CUX2: variants seen among roughly 807,000 people sequenced by gnomAD.
The protein encoded by CUX2 is homeobox protein cut-like 2.
CUX2 carries 40 observed loss-of-function variants against 144.8 expected under a neutral mutation model. That is an observed-to-expected ratio of 0.28 (90% CI 0.21 to 0.36). The LOEUF is 0.36. CUX2 is among the 10% of genes least tolerant of loss of function. CUX2 has a pLI of 1.00. For missense variants in CUX2, 1,615 were observed against 1,994.0 expected (o/e 0.81, Z 3.62); for synonymous variants, 827 against 875.6 (o/e 0.94, Z 0.98).
chr12:111,334,305 T>C, intron 18 of CUX2, 136 bp from the exon 19 acceptor site: 2 of 872,542 alleles, frequency 2.3e-6, no homozygotes, highest in South Asian at 3.7e-5. Flanking sequence ...GGGTGGTCCC[T>C]ACCTGAGCGA....
In CUX2 at chr12:111,186,551, A is replaced by G. The variant is rs1879542776; in HGVS notation, c.64-27649A>G. Among the ~76,000 whole-genome samples, 1 of 152,194 alleles carries G rather than the reference A, an allele frequency of 6.6e-6. No homozygotes were observed. Among genetic ancestry groups the G allele is most frequent in the Non-Finnish European group, 1.5e-5 (1 of 68,032 alleles). ...TGGCCACACCCGGCCACCAGGACCC[A>G]TGGTTGCTGAGAGAGAGAAGGGCGA... On this transcript the variant is annotated intron_variant, in intron 1 of 21. Transcript: ENST00000261726. This position sits in a 1 kb window ranked among gnomAD's most constrained non-coding sequence, Gnocchi z 4.4.
chr12:111,313,242 T>G (rs1886995932), intron 16 of CUX2, among the ~76,000 whole-genome samples: 1 of 150,856 alleles, frequency 6.6e-6, no homozygotes, highest in South Asian at 2.1e-4. Flanking sequence ...TTTTTTTTTT[T>G]GTATTTTTAG....
chr12:111,229,658 T>C (rs1346442374), intron 3 of CUX2, among the ~76,000 whole-genome samples: 1 of 152,030 alleles, frequency 6.6e-6, no homozygotes, highest in Non-Finnish European at 1.5e-5. Context: ...GCCCAGCACT[T>C]TGGGAGGCTG....
intron 1 of CUX2, among the ~76,000 whole-genome samples, chr12:111,074,457 C>T (rs1871410784): frequency 6.6e-6 from 1 of 152,068 alleles, no homozygotes; most frequent in African/African-American, 2.4e-5. Context: ...TCTAGCTGTT[C>T]CCTGCCTGAT....
chr12:111,106,596 T>C (rs1469230671), intron 1 of CUX2, among the ~76,000 whole-genome samples: 4 of 152,210 alleles, frequency 2.6e-5, no homozygotes, highest in Non-Finnish European at 5.9e-5. Flanking sequence ...ATATCTGGCC[T>C]AATAATGAGT....
chr12:111,153,032 A>T (rs1166565480), intron 1 of CUX2, among the ~76,000 whole-genome samples: 1 of 152,206 alleles, frequency 6.6e-6, no homozygotes, highest in Non-Finnish European at 1.5e-5. Flanking sequence ...TGGGGTGGTT[A>T]TAGCTGGAGC....
At chr12:111,347,392 T>G (rs1025316059) in intron 21 of CUX2, 132 bp from the exon 22 acceptor site, 4 of 765,114 alleles carry the variant, frequency 5.2e-6, no homozygotes, top group Non-Finnish European at 8.6e-6. Flanking sequence ...AATAAGATGG[T>G]GCAAGTATGG....
At position 111,322,297 on chromosome 12, in the gene CUX2, G is replaced by A. The variant is rs1018340602; in HGVS notation, c.2767-124G>A. On this transcript the variant is annotated intron_variant, in intron 17 of 21. Coordinates refer to ENST00000261726, the MANE Select transcript of CUX2 (RefSeq NM_015267.4). This position sits in a 1 kb window ranked among gnomAD's most constrained non-coding sequence, Gnocchi z 4.2. Reference sequence around the variant, plus strand: ...GGTGCCACTGCACTCCATCCTGGGCGACAGACAAAGCGAGACTCTGCCTCA... The same window carrying A: ...GGTGCCACTGCACTCCATCCTGGGCAACAGACAAAGCGAGACTCTGCCTCA... The A allele has an allele frequency of 3.3e-5, 36 of 1,096,696 alleles. No individual in the cohort carries two copies. The highest frequency in any genetic ancestry group is 1.8e-4 in the African/African-American group (11 of 60,012). The allele number at this position is 1,096,696 out of a possible 1,614,324, so 67.9% of individuals were successfully genotyped here.
At chr12:111,146,075 A>G (rs927165339) in intron 1 of CUX2, among the ~76,000 whole-genome samples, 1 of 152,318 alleles carries the variant, frequency 6.6e-6, no homozygotes, top group East Asian at 1.9e-4. Context: ...TGAGCAGAGC[A>G]TATAGAGAAT....
At chr12:111,170,219 C>A (rs1419431063) in intron 1 of CUX2, among the ~76,000 whole-genome samples, 1 of 152,074 alleles carries the variant, frequency 6.6e-6, no homozygotes, top group Non-Finnish European at 1.5e-5. Context: ...CACCTGAGGT[C>A]GGGAGTTCAA....
intron 1 of CUX2, among the ~76,000 whole-genome samples, chr12:111,173,240 A>G (rs768746121): frequency 2.8e-4 from 42 of 152,284 alleles, no homozygotes; most frequent in Non-Finnish European, 5.0e-4. Context: ...TTCTAATTTG[A>G]TGGTCATTCC....
At chr12:111,049,906 G>T (rs1870180637) in intron 1 of CUX2, among the ~76,000 whole-genome samples, 2 of 152,222 alleles carry the variant, frequency 1.3e-5, no homozygotes, top group South Asian at 4.1e-4. Context: ...TGGTTTTACT[G>T]TTCAGTGCAG....
In CUX2 at chr12:111,348,356, T is replaced by C; in HGVS notation, c.*31T>C. 1 of 1,572,572 alleles carries C rather than the reference T, an allele frequency of 6.4e-7. No individual in the cohort carries two copies. The highest frequency in any genetic ancestry group is 1.7e-5 in the Admixed American group (1 of 58,516). ...GGGTGAGGGGGCAAGGGACATACCC[T>C]GGTAACTACCTTCCTTCTCGCACTT... On this transcript the variant is annotated 3_prime_UTR_variant, in exon 22 of 22. Transcript: ENST00000261726.
chr12:111,141,774 C>T (rs1876334391), intron 1 of CUX2, among the ~76,000 whole-genome samples: 1 of 152,138 alleles, frequency 6.6e-6, no homozygotes, highest in African/African-American at 2.4e-5. Flanking sequence ...CTATGGTGAC[C>T]GTGACATTGA....
At chr12:111,265,809 C>A (rs188875622) in intron 4 of CUX2, among the ~76,000 whole-genome samples, 2 of 152,194 alleles carry the variant, frequency 1.3e-5, no homozygotes, top group East Asian at 3.9e-4. Flanking sequence ...TCCTTTCCCC[C>A]ATCCTTCCAC....
At chr12:111,111,320 A>C (rs1211506358) in intron 1 of CUX2, among the ~76,000 whole-genome samples, 1 of 151,794 alleles carries the variant, frequency 6.6e-6, no homozygotes, top group African/African-American at 2.4e-5. Flanking sequence ...AAAAAAAGAG[A>C]GACAATGGCT....
At chr12:111,162,939 G>A (rs776982355) in intron 1 of CUX2, among the ~76,000 whole-genome samples, 4 of 151,958 alleles carry the variant, frequency 2.6e-5, no homozygotes, top group African/African-American at 4.8e-5. Flanking sequence ...CCAGCTGCTC[G>A]GGAGGCTGAG....
chr12:111,347,412 G>T, intron 21 of CUX2, 112 bp from the exon 22 acceptor site: 2 of 948,572 alleles, frequency 2.1e-6, no homozygotes, highest in Non-Finnish European at 3.2e-6. Context: ...GAGGCTTAGT[G>T]CCTAGAGAGC....
At position 111,160,048 on chromosome 12, in the gene CUX2, A is replaced by G. The variant is rs1025821337; in HGVS notation, c.64-54152A>G. ...AAAAACAAAACAAAACAACAACTAC[A>G]AAAAAAGCAAAAGGAGTTAGGGGAT... is the stretch of plus-strand genomic sequence containing the variant. On this transcript the variant is annotated intron_variant, in intron 1 of 21. Coordinates refer to ENST00000261726, the MANE Select transcript of CUX2 (RefSeq NM_015267.4). The surrounding 1 kb of genome is among the most constrained non-coding windows in gnomAD (Gnocchi z 4.1). Among the ~76,000 whole-genome samples, 1 of 151,956 alleles carries G rather than the reference A, an allele frequency of 6.6e-6. No individual in the cohort carries two copies. Among genetic ancestry groups the G allele is most frequent in the Admixed American group, 6.6e-5 (1 of 15,254 alleles).
Sources: allele counts gnomAD v4.1 joint callset (sites outside exome capture counted in the v4.1 genomes callset), GRCh38; gene constraint gnomAD v4.1.1; non-coding constraint Gnocchi (gnomAD v3.1); transcripts MANE v1.5; gene names NCBI Gene and HGNC (gene_info 2026-07-23, HGNC 2026-07-21).